SPIN1: variants seen among roughly 807,000 people sequenced by gnomAD.
SPIN1 encodes the protein spindlin 1.
SPIN1 carries 3 observed loss-of-function variants against 26.0 expected under a neutral mutation model. The observed-to-expected ratio is 0.12, with a 90% confidence interval of 0.05 to 0.30. The LOEUF is 0.30. SPIN1 is among the 10% of genes least tolerant of loss of function. The pLI is 1.00. For synonymous variants in SPIN1, 101 were observed against 116.5 expected, an observed-to-expected ratio of 0.87 and a Z score of 0.86; for missense variants, 126 against 333.4, an observed-to-expected ratio of 0.38 and a Z score of 4.84.
intron 1 of SPIN1, chr9:88,410,958 T>A (rs1210040905): frequency 4.0e-6 from 5 of 1,236,606 alleles, no homozygotes; most frequent in Non-Finnish European, 5.9e-6. Context: ...CCATTCACAG[T>A]ATGATATTTC....
chr9:88,463,248 G>A (rs1422209781), intron 4 of SPIN1, among the ~76,000 whole-genome samples: 1 of 152,174 alleles, frequency 6.6e-6, no homozygotes, highest in Admixed American at 6.5e-5. Context: ...TTGTGGAAAT[G>A]AATGGCTCTT....
At chr9:88,448,682 A>C (rs1367400155) in intron 2 of SPIN1, among the ~76,000 whole-genome samples, 4 of 152,066 alleles carry the variant, frequency 2.6e-5, no homozygotes, top group African/African-American at 9.7e-5. Flanking sequence ...TTGTCCATGC[A>C]ATTCTGGTTT....
At chr9:88,407,084 A>G (rs1827326470) in intron 1 of SPIN1, among the ~76,000 whole-genome samples, 2 of 149,276 alleles carry the variant, frequency 1.3e-5, no homozygotes, top group Admixed American at 1.3e-4. Context: ...TGTAACTTCT[A>G]GTAGTGAATT....
intron 1 of SPIN1, among the ~76,000 whole-genome samples, chr9:88,396,929 CAG>C (rs1009650827): frequency 6.6e-6 from 1 of 151,936 alleles, no homozygotes; most frequent in South Asian, 2.1e-4. Context: ...TATCTAAGGA[CAG>C]AGAAAGTACA....
chr9:88,445,932 AT>A (rs1828241605), intron 2 of SPIN1, among the ~76,000 whole-genome samples: 1 of 152,158 alleles, frequency 6.6e-6, no homozygotes, highest in African/African-American at 2.4e-5. Flanking sequence ...TATTCTTTAA[AT>A]GTCAACTAAG....
At chr9:88,444,723 C>T (rs1210700903) in intron 2 of SPIN1, among the ~76,000 whole-genome samples, 1 of 134,960 alleles carries the variant, frequency 7.4e-6, no homozygotes. Flanking sequence ...TGGAGTCTTG[C>T]TCTGTCGCCC....
At chr9:88,421,151 C>CT (rs1002407830) in intron 1 of SPIN1, among the ~76,000 whole-genome samples, 1 of 152,204 alleles carries the variant, frequency 6.6e-6, no homozygotes, top group Non-Finnish European at 1.5e-5. Context: ...GAGTCTACCT[C>CT]TTTAAGCATT....
intron 2 of SPIN1, among the ~76,000 whole-genome samples, chr9:88,428,623 G>A (rs1827805314): frequency 6.6e-6 from 1 of 152,176 alleles, no homozygotes; most frequent in African/African-American, 2.4e-5. Context: ...ATAAGTAACT[G>A]AAGGAACTAA....
At chr9:88,399,088 G>T (rs1159645554) in intron 1 of SPIN1, among the ~76,000 whole-genome samples, 1 of 149,470 alleles carries the variant, frequency 6.7e-6, no homozygotes, top group African/African-American at 2.5e-5. Flanking sequence ...CTGGAGTGCA[G>T]TGGCACAATC....
At chr9:88,468,686 T>C (rs756381128) in intron 5 of SPIN1, 81 bp downstream of exon 5, 6 of 868,664 alleles carry the variant, frequency 6.9e-6, no homozygotes, top group South Asian at 4.2e-5. Flanking sequence ...TTGGCTCTTT[T>C]GCAGATACAT....
At chr9:88,395,294 G>T (rs1287155818) in intron 1 of SPIN1, among the ~76,000 whole-genome samples, 1 of 151,904 alleles carries the variant, frequency 6.6e-6, no homozygotes, top group Non-Finnish European at 1.5e-5. Flanking sequence ...GTAAGCATAT[G>T]TGTATATTTT....
At chr9:88,399,631 C>T (rs373908715) in intron 1 of SPIN1, among the ~76,000 whole-genome samples, 20 of 152,226 alleles carry the variant, frequency 1.3e-4, no homozygotes, top group African/African-American at 4.1e-4. Context: ...CTGCCTCACA[C>T]GAATGGGGTG....
chr9:88,445,664 A>G (rs1295991329), intron 2 of SPIN1, among the ~76,000 whole-genome samples: 1 of 151,022 alleles, frequency 6.6e-6, no homozygotes, highest in East Asian at 1.9e-4. Context: ...TGCCTTAGCC[A>G]GAATTACAGA....
intron 3 of SPIN1, among the ~76,000 whole-genome samples, chr9:88,452,132 A>G (rs373520381): frequency 2.0e-5 from 3 of 152,322 alleles, no homozygotes; most frequent in African/African-American, 7.2e-5. Context: ...AGACACAAAT[A>G]TTAGTCACTG....
intron 1 of SPIN1, among the ~76,000 whole-genome samples, chr9:88,414,429 G>A (rs7035787): frequency 0.19 from 29,222 of 152,142 alleles, 3,701 homozygotes; most frequent in African/African-American, 0.36. Context: ...ACATTTCAGG[G>A]ATTTAAAGGG....
chr9:88,436,327 A>G (rs1396637572), intron 2 of SPIN1, among the ~76,000 whole-genome samples: 1 of 152,206 alleles, frequency 6.6e-6, no homozygotes, highest in Non-Finnish European at 1.5e-5. Flanking sequence ...GCAAAGAGAT[A>G]ACGGGCTCTA....
At chr9:88,453,323 A>G (rs142050073) in intron 3 of SPIN1, among the ~76,000 whole-genome samples, 18 of 152,224 alleles carry the variant, frequency 1.2e-4, no homozygotes, top group Admixed American at 6.5e-4. Context: ...TGTTTGTTCT[A>G]TATCAGTGCC....
chr9:88,452,075 A>T (rs1164460041), intron 3 of SPIN1, among the ~76,000 whole-genome samples: 1 of 152,224 alleles, frequency 6.6e-6, no homozygotes, highest in African/African-American at 2.4e-5. Context: ...AATCTACTAA[A>T]CACTAAATAG....
chr9:88,476,513 T>C lies in SPIN1; in HGVS notation c.*1236T>C, dbSNP rs76652478. 209 of 152,294 alleles carry C rather than the reference T, an allele frequency of 1.4e-3. No homozygotes were observed. Among genetic ancestry groups the C allele is most frequent in the African/African-American group, 5.0e-3 (207 of 41,562 alleles). The allele number at this position is 152,294 out of a possible 1,614,324, so 9.4% of individuals were successfully genotyped here. The stretch of plus-strand genomic sequence containing the variant: ...GTGGGGTGCATGTTCCTGCTCCAGG[T>C]ATGCTGTTCATGTGGATTCATTCCA... On this transcript the variant is annotated 3_prime_UTR_variant, in exon 6 of 6. Coordinates refer to ENST00000375859, the MANE Select transcript of SPIN1 (RefSeq NM_006717.3).
Sources: gnomAD v4.1 joint callset for allele counts (sites outside exome capture counted in the v4.1 genomes callset) on GRCh38, gnomAD v4.1.1 for gene constraint, MANE v1.5 for transcripts, NCBI Gene and HGNC (gene_info 2026-07-23, HGNC 2026-07-21) for gene names.